The following ZNF609 variants were observed in gnomAD, a reference collection of about 807,000 sequenced individuals.
ZNF609 encodes zinc finger protein 609.
ZNF609 carries 11 observed loss-of-function variants against 109.5 expected under a neutral mutation model. That is an observed-to-expected ratio of 0.10 (90% confidence interval 0.06 to 0.17). The LOEUF (loss-of-function observed/expected upper bound fraction) is 0.17. Ranked by LOEUF, ZNF609 falls within the 10% of genes least tolerant of loss-of-function variation. The pLI is 1.00. For missense variants in ZNF609, 1,559 were observed against 1,772.4 expected (o/e 0.88, Z 2.16); for synonymous variants, 646 against 662.0 (o/e 0.98, Z 0.37).
At chr15:64,625,936 TAGAGAGAGAGAGAGAGAG>T (rs36226491) in intron 3 of ZNF609, among the ~76,000 whole-genome samples, 4 of 79,588 alleles carry the variant, frequency 5.0e-5, no homozygotes, top group South Asian at 5.6e-4. Context: ...TATATATATA[TAGAGAGAGAGAGAGAGAG>T]AGAGAGAGAG....
intron 2 of ZNF609, chr15:64,528,610 G>T: frequency 1.4e-6 from 1 of 718,318 alleles, no homozygotes. Flanking sequence ...GGACTCCCCA[G>T]CAGTAAGAGC....
At chr15:64,484,756 A>G (rs1003820988) in intron 1 of ZNF609, among the ~76,000 whole-genome samples, 4 of 148,876 alleles carry the variant, frequency 2.7e-5, no homozygotes, top group African/African-American at 7.4e-5. Flanking sequence ...CGGGCGGATC[A>G]TGAGGTCATG....
chr15:64,536,428 A>C (rs1405920967), intron 2 of ZNF609, among the ~76,000 whole-genome samples: 1 of 152,000 alleles, frequency 6.6e-6, no homozygotes, highest in East Asian at 1.9e-4. Context: ...TGAGTCACCC[A>C]CTACTAACCT....
chr15:64,645,346 C>T (rs1444873144), intron 3 of ZNF609, among the ~76,000 whole-genome samples: 2 of 152,034 alleles, frequency 1.3e-5, no homozygotes, highest in Non-Finnish European at 2.9e-5. Context: ...CTACCACAGC[C>T]TCCCAAAATG....
chr15:64,473,191 C>CTTTTTTT lies in ZNF609; in HGVS notation c.-128+12371_-128+12377dup, dbSNP rs951319279. On this transcript the variant is annotated intron_variant, in intron 1 of 9. Coordinates refer to ENST00000326648, the MANE Select transcript of ZNF609 (RefSeq NM_015042.2). ...TAAAACTTTTGACTCATATTTGGTTCTTTTTTTTTTTTTTTTTTTTTTTTG... is the reference window on the plus strand; with the variant it reads ...TAAAACTTTTGACTCATATTTGGTTCTTTTTTTTTTTTTTTTTTTTTTTTTTTTTTTG... 1.1e-3 allele frequency among the ~76,000 whole-genome samples: 84 copies of CTTTTTTT among 76,066 alleles called. 9 individuals carry two copies. The highest frequency in any genetic ancestry group is 5.0e-3 in the African/African-American group (77 of 15,366). 49.9% of individuals were successfully genotyped at this position (76,066 alleles called of 152,430 possible).
intron 2 of ZNF609, among the ~76,000 whole-genome samples, chr15:64,510,476 G>A (rs1293033328): frequency 6.6e-6 from 1 of 152,106 alleles, no homozygotes; most frequent in African/African-American, 2.4e-5. Context: ...AAAGTGCTGG[G>A]ATTACAGGTG....
intron 3 of ZNF609, among the ~76,000 whole-genome samples, chr15:64,628,247 G>C (rs1012738197): frequency 2.0e-5 from 3 of 152,108 alleles, no homozygotes; most frequent in African/African-American, 7.2e-5. Context: ...GCAACAGTGA[G>C]CTATGATTGT....
intron 2 of ZNF609, among the ~76,000 whole-genome samples, chr15:64,560,068 A>T (rs1406257668): frequency 6.6e-6 from 1 of 151,868 alleles, no homozygotes; most frequent in Non-Finnish European, 1.5e-5. Flanking sequence ...TTTTTTTGAG[A>T]CTGAGTCTCG....
intron 3 of ZNF609, among the ~76,000 whole-genome samples, chr15:64,664,018 A>G (rs1896613764): frequency 6.6e-6 from 1 of 152,144 alleles, no homozygotes; most frequent in Non-Finnish European, 1.5e-5. Flanking sequence ...CACCTGAGGC[A>G]GGACTTCGAG....
chr15:64,607,950 G>GT (rs1895640036), intron 2 of ZNF609, among the ~76,000 whole-genome samples: 1 of 130,534 alleles, frequency 7.7e-6, no homozygotes, highest in African/African-American at 3.0e-5. Flanking sequence ...CCGGGCTAGA[G>GT]TAGGGTGGCA....
Position 64,466,115 on chromosome 15 carries a change from T to TCA in ZNF609, c.-128+5278_-128+5279dup, listed in dbSNP as rs1205144745. ...TGGTCAACAAGAATGAAACCCTGTC[T>TCA]CAAAAAAAAAAAAAAAAAAAAAAAG... On this transcript the variant is annotated intron_variant, in intron 1 of 9. Coordinates refer to ENST00000326648, the MANE Select transcript of ZNF609 (RefSeq NM_015042.2). Among the ~76,000 whole-genome samples the TCA allele has an allele frequency of 7.7e-4, 7 of 9,076 alleles. No individual in the cohort carries two copies. The East Asian group carries it at 0.038, about 50-fold the overall frequency. 6.0% of individuals were successfully genotyped at this position (9,076 alleles called of 152,430 possible).
At chr15:64,650,276 G>A (rs530763307) in intron 3 of ZNF609, among the ~76,000 whole-genome samples, 8 of 151,614 alleles carry the variant, frequency 5.3e-5, no homozygotes, top group African/African-American at 1.9e-4. Context: ...AATAAGCCAG[G>A]CATGGCAGCA....
intron 3 of ZNF609, among the ~76,000 whole-genome samples, chr15:64,630,004 A>G (rs1896039001): frequency 1.3e-5 from 2 of 152,002 alleles, no homozygotes; most frequent in South Asian, 4.2e-4. Context: ...TCTAAAAAGG[A>G]GTATTCATCA....
intron 3 of ZNF609, among the ~76,000 whole-genome samples, chr15:64,666,070 G>A (rs1325545884): frequency 5.0e-5 from 3 of 59,912 alleles, no homozygotes; most frequent in Non-Finnish European, 7.7e-5. Flanking sequence ...GCAAGACTTC[G>A]TCTCAAAAAA....
At chr15:64,671,004 T>A (rs1393748252) in intron 4 of ZNF609, among the ~76,000 whole-genome samples, 1 of 150,674 alleles carries the variant, frequency 6.6e-6, no homozygotes, top group South Asian at 2.1e-4. Flanking sequence ...GGTCAGGAGA[T>A]CGAGACCATC....
intron 1 of ZNF609, among the ~76,000 whole-genome samples, chr15:64,481,658 A>G (rs1163399723): frequency 6.6e-6 from 1 of 152,060 alleles, no homozygotes; most frequent in Non-Finnish European, 1.5e-5. Context: ...AAATATTGGA[A>G]ACGTTTTCAG....
At chr15:64,607,764 C>T (rs1475238377) in intron 2 of ZNF609, among the ~76,000 whole-genome samples, 1 of 151,794 alleles carries the variant, frequency 6.6e-6, no homozygotes, top group Non-Finnish European at 1.5e-5. Context: ...CTTGGCCCCC[C>T]AAAGTGCTGG....
chr15:64,507,979 T>A (rs1326249478), intron 2 of ZNF609, among the ~76,000 whole-genome samples: 1 of 152,178 alleles, frequency 6.6e-6, no homozygotes, highest in African/African-American at 2.4e-5. Flanking sequence ...TTTTAACAAA[T>A]CCTATTCCCT....
chr15:64,464,942 A>G (rs991078298), intron 1 of ZNF609, among the ~76,000 whole-genome samples: 5 of 152,216 alleles, frequency 3.3e-5, no homozygotes, highest in Non-Finnish European at 7.3e-5. Context: ...TTTGTTTCAC[A>G]TTTCTTAATG....
Sources: allele counts gnomAD v4.1 joint callset (sites outside exome capture counted in the v4.1 genomes callset), GRCh38; gene constraint gnomAD v4.1.1; transcripts MANE v1.5; gene names NCBI Gene and HGNC (gene_info 2026-07-23, HGNC 2026-07-21).